The following THRB variants were observed in gnomAD, a reference collection of about 807,000 sequenced individuals.
THRB encodes thyroid hormone receptor beta.
A neutral mutation model predicts 47.8 loss-of-function variants in THRB; 12 were observed. The ratio of observed to expected loss-of-function variants is 0.25; its 90% confidence interval spans 0.16 to 0.41. THRB has a LOEUF of 0.41. THRB is among the 10% of genes least tolerant of loss of function. The pLI is 1.00. For synonymous variants in THRB, 218 were observed against 212.2 expected (o/e 1.03, Z -0.24); for missense variants, 348 against 589.2 (o/e 0.59, Z 4.24).
chr3:24,209,124 AC>A (rs2045734109), intron 4 of THRB, among the ~76,000 whole-genome samples: 1 of 152,212 alleles, frequency 6.6e-6, no homozygotes, highest in South Asian at 2.1e-4. Flanking sequence ...GCAAATCAAA[AC>A]CACAATGAGA....
At position 24,133,310 on chromosome 3, in the gene THRB, C is replaced by T. The variant is rs767022493; in HGVS notation, c.885+6G>A. ...AATAATGCAGAAGGAAAAACAACAT[C>T]CTCACCTCACAAAACATAGGCAACT... On this transcript the variant is annotated splice_donor_region_variant and intron_variant, in intron 9 of 10. Coordinates refer to ENST00000646209, the MANE Select transcript of THRB (RefSeq NM_001354712.2). 1.2e-5 allele frequency: 19 copies of T among 1,613,906 alleles called. No individual in the cohort carries two copies. The African/African-American group carries it at 2.1e-4, about 18-fold the overall frequency.
intron 4 of THRB, among the ~76,000 whole-genome samples, chr3:24,223,693 A>G (rs4858109): frequency 0.095 from 14,451 of 152,204 alleles, 748 homozygotes; most frequent in Non-Finnish European, 0.12. Flanking sequence ...AGGAAGAAAA[A>G]TTAAGGTTAA....
intron 1 of THRB, among the ~76,000 whole-genome samples, chr3:24,426,401 G>T (rs1035116835): frequency 6.6e-6 from 1 of 151,790 alleles, no homozygotes; most frequent in African/African-American, 2.4e-5. Flanking sequence ...TCTGAATAAG[G>T]CTCCAGCATC....
At chr3:24,188,065 T>A (rs954837686) in intron 5 of THRB, among the ~76,000 whole-genome samples, 1 of 152,190 alleles carries the variant, frequency 6.6e-6, no homozygotes, top group African/African-American at 2.4e-5. Flanking sequence ...TCTCATTACA[T>A]CTCTGACTTT....
chr3:24,344,766 T>C (rs147725429), intron 1 of THRB, among the ~76,000 whole-genome samples: 197 of 152,214 alleles, frequency 1.3e-3, no homozygotes, highest in African/African-American at 4.5e-3. Context: ...ATACCTTCTA[T>C]TCCATTTAAC....
Position 24,127,592 on chromosome 3 carries a change from C to A in THRB, c.1051G>T (p.Asp351Tyr). Residue 351 changes from aspartate (D) to tyrosine (Y), a missense_variant, in exon 10 of 11, where the codon GAC becomes TAC. This residue lies in a region of THRB where 45 missense variants were observed against 156.2 expected (regional missense o/e 0.29). Coordinates refer to ENST00000646209, the MANE Select transcript of THRB (RefSeq NM_001354712.2). ...GACATGCCCAGGTCAAAGATGGCGT[C>A]TGACACCACCCCAAGACCCCCATTT... ...LKNGGLGVVSDAIFDLGMSLS... is the reference protein window; with the variant it reads ...LKNGGLGVVSYAIFDLGMSLS... 6.2e-7 allele frequency: 1 copy of A among 1,614,226 alleles called. No homozygotes were observed. Among genetic ancestry groups the A allele is most frequent in the Non-Finnish European group, 8.5e-7 (1 of 1,180,040 alleles).
chr3:24,436,080 A>T (rs1018677121), intron 1 of THRB, among the ~76,000 whole-genome samples: 3 of 152,134 alleles, frequency 2.0e-5, no homozygotes, highest in African/African-American at 7.2e-5. Context: ...AAACAATAAA[A>T]TTTCTGTTTA....
chr3:24,190,155 A>G lies in THRB; in HGVS notation c.202T>C (p.Phe68Leu), dbSNP rs1369173973. 1 of 1,614,068 alleles carries G rather than the reference A, an allele frequency of 6.2e-7. No homozygotes were observed. Reference sequence around the variant, plus strand: ...TTCACATCATCATGGTCCAGATGGAATATTGAGCTAGTCCAAGTGGTCTGG... The same window carrying G: ...TTCACATCATCATGGTCCAGATGGAGTATTGAGCTAGTCCAAGTGGTCTGG... Reference protein sequence around the residue: ...LIQTTWTSSIFHLDHDDVNDQ... With the variant: ...LIQTTWTSSILHLDHDDVNDQ... The change falls in exon 5 of 11, where the codon TTC (phenylalanine) becomes CTC (leucine). Residue 68 changes from phenylalanine to leucine, a missense_variant. This residue lies in a region of THRB where 148 missense variants were observed against 122.3 expected (regional missense o/e 1.21). Coordinates refer to ENST00000646209, the MANE Select transcript of THRB (RefSeq NM_001354712.2).
intron 4 of THRB, among the ~76,000 whole-genome samples, chr3:24,214,522 G>C (rs1425482930): frequency 6.6e-6 from 1 of 152,210 alleles, no homozygotes; most frequent in Non-Finnish European, 1.5e-5. Flanking sequence ...AGGAGTCAAA[G>C]AGCACCGAAG....
intron 3 of THRB, among the ~76,000 whole-genome samples, chr3:24,262,524 A>T (rs1249234422): frequency 6.6e-6 from 1 of 152,092 alleles, no homozygotes; most frequent in Non-Finnish European, 1.5e-5. Flanking sequence ...CACTCACTCC[A>T]TTCCAGTCTT....
At chr3:24,139,434 A>T (rs2035155068) in intron 8 of THRB, among the ~76,000 whole-genome samples, 1 of 140,820 alleles carries the variant, frequency 7.1e-6, no homozygotes, top group African/African-American at 2.7e-5. Context: ...TCCAGTCTGG[A>T]GTGGAGTGGC....
intron 4 of THRB, among the ~76,000 whole-genome samples, chr3:24,224,193 A>G (rs1336905648): frequency 1.3e-5 from 2 of 152,212 alleles, no homozygotes; most frequent in Non-Finnish European, 2.9e-5. Context: ...AAATTATCGG[A>G]AAGATGCAAA....
intron 4 of THRB, among the ~76,000 whole-genome samples, chr3:24,209,505 G>A (rs1421443409): frequency 6.6e-6 from 1 of 152,158 alleles, no homozygotes; most frequent in Non-Finnish European, 1.5e-5. Flanking sequence ...CATAAAAAAG[G>A]ATAAGTTCAT....
intron 3 of THRB, among the ~76,000 whole-genome samples, chr3:24,238,527 G>T (rs1476019229): frequency 6.6e-6 from 1 of 152,014 alleles, no homozygotes; most frequent in Non-Finnish European, 1.5e-5. Flanking sequence ...TTGATAATGA[G>T]TAAGACAATA....
At chr3:24,168,838 C>T (rs980356369) in intron 5 of THRB, among the ~76,000 whole-genome samples, 2 of 151,516 alleles carry the variant, frequency 1.3e-5, no homozygotes, top group South Asian at 2.1e-4. Flanking sequence ...TAGGAAAGAA[C>T]GAAATACAAG....
At chr3:24,451,229 C>CTT (rs71057674) in intron 1 of THRB, among the ~76,000 whole-genome samples, 3,959 of 95,262 alleles carry the variant, frequency 0.042, 319 homozygotes, top group South Asian at 0.07. Flanking sequence ...ACTACATGTA[C>CTT]TTTTTTTTTT....
At chr3:24,136,879 C>G (rs898429311) in intron 8 of THRB, among the ~76,000 whole-genome samples, 1 of 152,246 alleles carries the variant, frequency 6.6e-6, no homozygotes, top group African/African-American at 2.4e-5. Context: ...TTACATTTTC[C>G]CATTTCACTG....
At chr3:24,256,567 T>C (rs2051306157) in intron 3 of THRB, among the ~76,000 whole-genome samples, 1 of 152,164 alleles carries the variant, frequency 6.6e-6, no homozygotes, top group Non-Finnish European at 1.5e-5. Context: ...GGGAAAAAGA[T>C]AACTCATACT....
intron 5 of THRB, among the ~76,000 whole-genome samples, chr3:24,176,571 C>G (rs1052442022): frequency 2.6e-5 from 4 of 152,074 alleles, no homozygotes; most frequent in African/African-American, 9.7e-5. Context: ...AGTAAAGGCT[C>G]CAGTCCTACA....
Sources: gnomAD v4.1 joint callset for allele counts (sites outside exome capture counted in the v4.1 genomes callset) on GRCh38, gnomAD v4.1.1 for gene constraint, gnomAD v4.1.1 regional missense constraint, MANE v1.5 for transcripts, NCBI Gene and HGNC (gene_info 2026-07-23, HGNC 2026-07-21) for gene names.